Variants in ERBB4 observed in about 807,000 individuals in gnomAD.
ERBB4 encodes the protein erb-b2 receptor tyrosine kinase 4.
Under a neutral mutation model 158.0 loss-of-function variants are expected in ERBB4, and 42 were observed. That is an observed-to-expected ratio of 0.27 (90% CI 0.21 to 0.34). The LOEUF (loss-of-function observed/expected upper bound fraction) is 0.34. Among genes scored for constraint, ERBB4 ranks in the 10% least tolerant of loss-of-function variants. The pLI is 1.00. For missense variants in ERBB4, 1,333 were observed against 1,624.1 expected, an observed-to-expected ratio of 0.82 and a Z score of 3.08; for synonymous variants, 583 against 558.7, an observed-to-expected ratio of 1.04 and a Z score of -0.61.
intron 2 of ERBB4, among the ~76,000 whole-genome samples, chr2:211,953,955 AT>A (rs1333057234): frequency 2.6e-5 from 4 of 152,028 alleles, no homozygotes; most frequent in Admixed American, 2.6e-4. Flanking sequence ...TAAACCTGGA[AT>A]TTTCAATGGA....
At chr2:211,736,868 A>C (rs2074617675) in intron 5 of ERBB4, among the ~76,000 whole-genome samples, 1 of 152,174 alleles carries the variant, frequency 6.6e-6, no homozygotes, top group Non-Finnish European at 1.5e-5. Context: ...ATATTTATAG[A>C]AAATAATATA....
At chr2:211,477,243 C>T (rs2064977334) in intron 20 of ERBB4, among the ~76,000 whole-genome samples, 1 of 151,898 alleles carries the variant, frequency 6.6e-6, no homozygotes, top group Admixed American at 6.6e-5. Context: ...CCAGCCCTAC[C>T]CTGTGATTTT....
chr2:211,973,194 T>C (rs1362254810), intron 2 of ERBB4, among the ~76,000 whole-genome samples: 1 of 136,822 alleles, frequency 7.3e-6, no homozygotes. Context: ...CACTAATTAC[T>C]AGAGAAATTC....
At chr2:212,295,767 C>A (rs1337680642) in intron 1 of ERBB4, among the ~76,000 whole-genome samples, 1 of 152,022 alleles carries the variant, frequency 6.6e-6, no homozygotes, top group Non-Finnish European at 1.5e-5. Context: ...ATGGCAGCTG[C>A]ATTACTGTGA....
chr2:212,091,963 C>G (rs999219058), intron 2 of ERBB4, among the ~76,000 whole-genome samples: 1 of 152,044 alleles, frequency 6.6e-6, no homozygotes, highest in Non-Finnish European at 1.5e-5. Flanking sequence ...ATACTCATCA[C>G]TCTCAGTATT....
chr2:211,821,520 TA>T (rs1383323963), intron 3 of ERBB4, among the ~76,000 whole-genome samples: 1 of 151,900 alleles, frequency 6.6e-6, no homozygotes, highest in Non-Finnish European at 1.5e-5. Flanking sequence ...CAAAATATCC[TA>T]AAATTTGTAT....
chr2:211,785,161 G>A (rs1362020569), intron 4 of ERBB4, among the ~76,000 whole-genome samples: 1 of 150,122 alleles, frequency 6.7e-6, no homozygotes, highest in African/African-American at 2.5e-5. Flanking sequence ...GAGTGCAGTG[G>A]TGCCATCTCG....
intron 3 of ERBB4, among the ~76,000 whole-genome samples, chr2:211,940,985 T>A (rs577857683): frequency 6.6e-6 from 1 of 152,296 alleles, no homozygotes; most frequent in African/African-American, 2.4e-5. Flanking sequence ...TCTTTTCGAA[T>A]ATATGTTTCT....
At chr2:211,817,830 T>A (rs1433791491) in intron 3 of ERBB4, among the ~76,000 whole-genome samples, 1 of 152,146 alleles carries the variant, frequency 6.6e-6, no homozygotes, top group Non-Finnish European at 1.5e-5. Flanking sequence ...ATTGTACACA[T>A]GACAGCAACA....
chr2:211,664,776 A>G (rs2071563163), intron 15 of ERBB4, among the ~76,000 whole-genome samples: 1 of 152,222 alleles, frequency 6.6e-6, no homozygotes, highest in African/African-American at 2.4e-5. Flanking sequence ...ACCTGTAACA[A>G]GGTTACTTTC....
At chr2:211,791,616 G>T (rs1337947919) in intron 3 of ERBB4, among the ~76,000 whole-genome samples, 1 of 151,808 alleles carries the variant, frequency 6.6e-6, no homozygotes, top group African/African-American at 2.4e-5. Flanking sequence ...GAGAGACACA[G>T]ATAGATTCTT....
At chr2:212,522,644 T>G (rs1298675088) in intron 1 of ERBB4, among the ~76,000 whole-genome samples, 1 of 151,948 alleles carries the variant, frequency 6.6e-6, no homozygotes, top group Admixed American at 6.6e-5. Flanking sequence ...TGGATAGACT[T>G]ACTTCTTGTT....
At chr2:212,301,706 C>A (rs1237824351) in intron 1 of ERBB4, among the ~76,000 whole-genome samples, 2 of 151,014 alleles carry the variant, frequency 1.3e-5, no homozygotes, top group African/African-American at 4.9e-5. Flanking sequence ...TTTGCACATA[C>A]AATATTAATG....
chr2:211,604,495 A>C (rs531974828), intron 19 of ERBB4, among the ~76,000 whole-genome samples: 1 of 152,292 alleles, frequency 6.6e-6, no homozygotes, highest in African/African-American at 2.4e-5. Flanking sequence ...TGAATACTTT[A>C]TGCTCGACTG....
intron 1 of ERBB4, among the ~76,000 whole-genome samples, chr2:212,156,468 A>G (rs1411029398): frequency 6.6e-6 from 1 of 152,152 alleles, no homozygotes; most frequent in African/African-American, 2.4e-5. Context: ...CAGCACAGAC[A>G]TCAAAAATTG....
chr2:212,085,437 T>C (rs578116038), intron 2 of ERBB4, among the ~76,000 whole-genome samples: 1 of 151,946 alleles, frequency 6.6e-6, no homozygotes, highest in African/African-American at 2.4e-5. Flanking sequence ...AAGCTTTTGA[T>C]AATAGATGGC....
intron 19 of ERBB4, among the ~76,000 whole-genome samples, chr2:211,591,183 T>C (rs2068450554): frequency 6.6e-6 from 1 of 152,226 alleles, no homozygotes; most frequent in South Asian, 2.1e-4. Context: ...CATTATTTAC[T>C]TATTAAAATT....
At chr2:211,415,121 T>TC (rs2063357003) in intron 25 of ERBB4, among the ~76,000 whole-genome samples, 1 of 125,480 alleles carries the variant, frequency 8.0e-6, no homozygotes, top group Admixed American at 8.0e-5. Context: ...TTTTTTTTTT[T>TC]TTTTTTTTTT....
intron 16 of ERBB4, among the ~76,000 whole-genome samples, chr2:211,651,368 C>T (rs1341560035): frequency 6.6e-6 from 1 of 151,922 alleles, no homozygotes; most frequent in Admixed American, 6.6e-5. Flanking sequence ...AGAATGGCAC[C>T]GTCGGAAATA....
Sources: allele counts gnomAD v4.1 joint callset (sites outside exome capture counted in the v4.1 genomes callset), GRCh38; gene constraint gnomAD v4.1.1; transcripts MANE v1.5; gene names NCBI Gene and HGNC (gene_info 2026-07-23, HGNC 2026-07-21).